ZFAND6: variants seen among roughly 807,000 people sequenced by gnomAD.
ZFAND6 encodes zinc finger AN1-type containing 6, also known as AN1-type zinc finger protein 6.
ZFAND6 carries 12 observed loss-of-function variants against 24.5 expected under a neutral mutation model. That is an observed-to-expected ratio of 0.49 (90% CI 0.31 to 0.79). The LOEUF (loss-of-function observed/expected upper bound fraction) is 0.79, where lower values mean the gene tolerates loss of function less well. ZFAND6 is among the 30% of genes least tolerant of loss of function. ZFAND6 has a pLI of 0.04. For synonymous variants in ZFAND6, 92 were observed against 81.5 expected (o/e 1.13, Z -0.69); for missense variants, 207 against 245.9 (o/e 0.84, Z 1.06).
At chr15:80,122,582 T>C in intron 4 of ZFAND6, 118 bp from the exon 5 acceptor site, 1 of 624,100 alleles carries the variant, frequency 1.6e-6, no homozygotes, top group Non-Finnish European at 2.8e-6. Flanking sequence ...TAAAAAAAAG[T>C]ATGTCTGTGT....
chr15:80,089,351 C>T (rs940531016), intron 1 of ZFAND6, among the ~76,000 whole-genome samples: 1 of 150,838 alleles, frequency 6.6e-6, no homozygotes, highest in South Asian at 2.1e-4. Flanking sequence ...CTCCACCTCC[C>T]TGGTTCAAGC....
At chr15:80,117,309 GC>G (rs2039924757) in intron 2 of ZFAND6, among the ~76,000 whole-genome samples, 2 of 151,830 alleles carry the variant, frequency 1.3e-5, no homozygotes, top group African/African-American at 2.4e-5. Flanking sequence ...TGCAAGCTCC[GC>G]CCCCTGGCTT....
chr15:80,060,198 G>T (rs1241988296), intron 1 of ZFAND6: 2 of 152,070 alleles, frequency 1.3e-5, no homozygotes, highest in African/African-American at 2.4e-5. Context: ...GGTCGGAAGG[G>T]CCCCGGGCAC....
At chr15:80,067,329 T>C (rs1286170952) in intron 1 of ZFAND6, among the ~76,000 whole-genome samples, 1 of 152,226 alleles carries the variant, frequency 6.6e-6, no homozygotes, top group African/African-American at 2.4e-5. Flanking sequence ...TCTACTGTTT[T>C]CAGTTTTCTC....
intron 6 of ZFAND6, 112 bp downstream of exon 6, chr15:80,131,405 G>A (rs1482731523): frequency 1.9e-5 from 15 of 803,170 alleles, no homozygotes; most frequent in East Asian, 8.6e-5. Context: ...AGTTAATATT[G>A]GATATACTTC....
Position 80,136,397 on chromosome 15 carries a change from G to A in ZFAND6, c.479-1083G>A, listed in dbSNP as rs146620954. On this transcript the variant is annotated intron_variant, in intron 6 of 6. Transcript: ENST00000261749. ...GGAGAATGGCTTGAACGCAGGAGGCGGAGATTGTGGTGAGCCGAGATCATG... is the reference window on the plus strand; with the variant it reads ...GGAGAATGGCTTGAACGCAGGAGGCAGAGATTGTGGTGAGCCGAGATCATG... Among the ~76,000 whole-genome samples the A allele has an allele frequency of 9.2e-3, 1,393 of 152,042 alleles. 26 individuals carry two copies. Among genetic ancestry groups the A allele is most frequent in the African/African-American group, 0.029 (1,185 of 41,450 alleles).
intron 2 of ZFAND6, among the ~76,000 whole-genome samples, chr15:80,099,350 G>A (rs1174015331): frequency 6.6e-6 from 1 of 152,050 alleles, no homozygotes; most frequent in Non-Finnish European, 1.5e-5. Flanking sequence ...AGAATGCATT[G>A]TTTGTACAGA....
chr15:80,071,074 A>G (rs2036950416), intron 1 of ZFAND6, among the ~76,000 whole-genome samples: 1 of 152,176 alleles, frequency 6.6e-6, no homozygotes, highest in African/African-American at 2.4e-5. Flanking sequence ...AAAGGGCATA[A>G]TAGATTATGC....
intron 5 of ZFAND6, among the ~76,000 whole-genome samples, chr15:80,129,173 C>T (rs2040490760): frequency 6.6e-6 from 1 of 150,514 alleles, no homozygotes; most frequent in African/African-American, 2.5e-5. Flanking sequence ...GACATTCAGC[C>T]CCTGCCCTCT....
At chr15:80,090,396 G>C (rs1285067741) in intron 1 of ZFAND6, among the ~76,000 whole-genome samples, 1 of 152,186 alleles carries the variant, frequency 6.6e-6, no homozygotes, top group African/African-American at 2.4e-5. Context: ...TGTTTGACCT[G>C]AGCAAGTTCC....
intron 5 of ZFAND6, chr15:80,129,530 C>T (rs557078055): frequency 6.6e-6 from 1 of 152,290 alleles, no homozygotes; most frequent in South Asian, 2.1e-4. Flanking sequence ...TCTCAATGGC[C>T]TTACGGTGTA....
intron 6 of ZFAND6, among the ~76,000 whole-genome samples, chr15:80,136,881 C>G (rs892315101): frequency 4.6e-5 from 7 of 152,146 alleles, no homozygotes; most frequent in African/African-American, 1.4e-4. Flanking sequence ...CTCATTTAAT[C>G]CTTACTTATT....
At chr15:80,113,311 GAAA>G (rs908367566) in intron 2 of ZFAND6, among the ~76,000 whole-genome samples, 2 of 152,180 alleles carry the variant, frequency 1.3e-5, no homozygotes, top group Non-Finnish European at 2.9e-5. Flanking sequence ...TTCAACAGAA[GAAA>G]TCTGGAATTA....
intron 1 of ZFAND6, among the ~76,000 whole-genome samples, chr15:80,086,813 A>T (rs186324090): frequency 8.9e-4 from 136 of 152,346 alleles, no homozygotes; most frequent in African/African-American, 2.4e-3. Context: ...ATTAAACTAT[A>T]ACTCCCAATC....
intron 1 of ZFAND6, among the ~76,000 whole-genome samples, chr15:80,084,786 C>G (rs968632411): frequency 6.6e-6 from 1 of 152,144 alleles, no homozygotes; most frequent in African/African-American, 2.4e-5. Context: ...TCTGAGGATA[C>G]AGAGATAAAT....
chr15:80,136,456 T>G (rs2040869674), intron 6 of ZFAND6, among the ~76,000 whole-genome samples: 1 of 151,176 alleles, frequency 6.6e-6, no homozygotes, highest in Non-Finnish European at 1.5e-5. Flanking sequence ...AAAGTGAGAC[T>G]CCGTGTCAAA....
intron 2 of ZFAND6, among the ~76,000 whole-genome samples, chr15:80,117,880 A>T (rs2039955143): frequency 6.6e-6 from 1 of 152,062 alleles, no homozygotes; most frequent in South Asian, 2.1e-4. Flanking sequence ...ATTTGTCCAT[A>T]TGGTGAAAAA....
At chr15:80,062,607 G>C (rs1189704280) in intron 1 of ZFAND6, among the ~76,000 whole-genome samples, 1 of 152,310 alleles carries the variant, frequency 6.6e-6, no homozygotes, top group East Asian at 1.9e-4. Context: ...CATGGGAGTA[G>C]AGATGGTTTC....
chr15:80,130,592 C>T (rs192001100), intron 5 of ZFAND6: 3 of 152,200 alleles, frequency 2.0e-5, no homozygotes, highest in Non-Finnish European at 4.4e-5. Context: ...CTTGGTAAAT[C>T]TGGCTTTGGT....
Sources: gnomAD v4.1 joint callset for allele counts (sites outside exome capture counted in the v4.1 genomes callset) on GRCh38, gnomAD v4.1.1 for gene constraint, MANE v1.5 for transcripts, NCBI Gene and HGNC (gene_info 2026-07-23, HGNC 2026-07-21) for gene names.